HOXC4: variants seen among roughly 807,000 people sequenced by gnomAD.
HOXC4 encodes homeobox C4, also known as homeobox protein Hox-C4.
In HOXC4, 15 loss-of-function variants were observed where a neutral mutation model predicts 25.5. The observed-to-expected ratio is 0.59, with a 90% CI of 0.39 to 0.91. The LOEUF is 0.91. HOXC4 is among the 40% of genes least tolerant of loss of function. HOXC4 has a pLI of 0.00. For missense variants in HOXC4, 342 were observed against 352.4 expected, an observed-to-expected ratio of 0.97 and a Z score of 0.24; for synonymous variants, 165 against 148.0, an observed-to-expected ratio of 1.11 and a Z score of -0.83.
At chr12:54,033,188 A>G (rs748135134) in intron 1 of HOXC4, 4 of 1,614,120 alleles carry the variant, frequency 2.5e-6, no homozygotes, top group Non-Finnish European at 1.7e-6. Flanking sequence ...ATAACATGCA[A>G]ACTTGTGGGA....
At chr12:54,033,121 C>T (rs1449715770) in intron 1 of HOXC4, 2 of 1,597,188 alleles carry the variant, frequency 1.3e-6, no homozygotes, top group Non-Finnish European at 8.6e-7. Flanking sequence ...GCCCTCCCCG[C>T]CATGAGCTCC....
intron 1 of HOXC4, 66 bp downstream of exon 1, chr12:54,054,427 G>A: frequency 1.1e-6 from 1 of 917,280 alleles, no homozygotes. Flanking sequence ...CACCCTCCTC[G>A]GCCCCCTCTG....
chr12:54,044,793 T>C (rs1937662663), intron 1 of HOXC4, among the ~76,000 whole-genome samples: 1 of 151,942 alleles, frequency 6.6e-6, no homozygotes, highest in Non-Finnish European at 1.5e-5. Context: ...ACAATATATT[T>C]TACCTAAATA....
upstream of HOXC4, among the ~76,000 whole-genome samples, chr12:54,050,264 G>T (rs780102332): frequency 2.6e-5 from 4 of 152,162 alleles, no homozygotes; most frequent in Non-Finnish European, 5.9e-5. Context: ...TTTCTTCAGC[G>T]ATGTCAGAAG....
intron 1 of HOXC4, chr12:54,033,826 AAT>A (rs1491079280): frequency 3.6e-6 from 2 of 556,328 alleles, no homozygotes; most frequent in Non-Finnish European, 3.2e-6. Flanking sequence ...GAGTTAAAAA[AAT>A]AGAGGGATCT....
At chr12:54,041,452 C>G (rs1362467298) in intron 1 of HOXC4, among the ~76,000 whole-genome samples, 1 of 152,220 alleles carries the variant, frequency 6.6e-6, no homozygotes, top group Non-Finnish European at 1.5e-5. Context: ...ACCTGGACCT[C>G]TAAGCACCCC....
chr12:54,055,804 G>A lies in HOXC4; in HGVS notation c.*599G>A, dbSNP rs1444755377. The A allele has an allele frequency of 6.6e-6, 1 of 152,514 alleles. No individual in the cohort carries two copies. The highest frequency in any genetic ancestry group is 1.5e-5 in the Non-Finnish European group (1 of 68,036). 9.4% of individuals were successfully genotyped at this position (152,514 alleles called of 1,614,324 possible). ...ACAGCAGACAAAGCTAAATGCATCT[G>A]GAGAGCCTCTCAGAGCTGTTCAGTT... On this transcript the variant is annotated 3_prime_UTR_variant, in exon 2 of 2. Coordinates refer to ENST00000430889, the MANE Select transcript of HOXC4 (RefSeq NM_153633.3).
chr12:54,032,261 G>A (rs2136444519), intron 1 of HOXC4, among the ~76,000 whole-genome samples: 1 of 152,240 alleles, frequency 6.6e-6, no homozygotes, highest in South Asian at 2.1e-4. Flanking sequence ...ATCCCAAACA[G>A]CCTGCAACAC....
intron 1 of HOXC4, among the ~76,000 whole-genome samples, chr12:54,044,033 G>A (rs535271915): frequency 1.3e-5 from 2 of 151,700 alleles, no homozygotes; most frequent in African/African-American, 4.8e-5. Flanking sequence ...CTGGGTGGAG[G>A]ATGGGGGCAC....
At chr12:54,020,777 G>A (rs1300492215) in intron 1 of HOXC4, 1 of 152,160 alleles carries the variant, frequency 6.6e-6, no homozygotes, top group Non-Finnish European at 1.5e-5. Context: ...CACTGGAATC[G>A]GAGTATGCGG....
At chr12:54,023,933 T>C (rs1204107428) in intron 1 of HOXC4, among the ~76,000 whole-genome samples, 2 of 152,226 alleles carry the variant, frequency 1.3e-5, no homozygotes, top group Non-Finnish European at 2.9e-5. Flanking sequence ...CTCTTTGCGA[T>C]CTGATCCTTT....
At chr12:54,033,064 G>A (rs2136446210) in intron 1 of HOXC4, 3 of 1,406,254 alleles carry the variant, frequency 2.1e-6, no homozygotes, top group Non-Finnish European at 2.0e-6. Flanking sequence ...CAACTTCAAA[G>A]AGTCACAAAT....
chr12:54,017,024 G>A (rs1298856557), exon 1 of HOXC4: 1 of 151,900 alleles, frequency 6.6e-6, no homozygotes, highest in Non-Finnish European at 1.5e-5. Flanking sequence ...TTTCCTCCCA[G>A]GTGGAGTTGC....
intron 1 of HOXC4, among the ~76,000 whole-genome samples, chr12:54,018,739 C>A (rs1940283642): frequency 6.6e-6 from 1 of 152,174 alleles, no homozygotes; most frequent in Non-Finnish European, 1.5e-5. Context: ...GCCTACACAC[C>A]CAGGCAGACA....
chr12:54,025,822 G>C (rs896460639), intron 1 of HOXC4, among the ~76,000 whole-genome samples: 2 of 151,930 alleles, frequency 1.3e-5, no homozygotes, highest in African/African-American at 4.8e-5. Flanking sequence ...CCCAACTTTG[G>C]GGCCCCTTTC....
chr12:54,033,588 G>T, intron 1 of HOXC4: 1 of 1,545,634 alleles, frequency 6.5e-7, no homozygotes. Flanking sequence ...TAAACTTTAG[G>T]ACTTCATTTT....
chr12:54,034,361 C>T (rs764070592), intron 1 of HOXC4: 6 of 1,614,230 alleles, frequency 3.7e-6, no homozygotes, highest in Non-Finnish European at 5.1e-6. Flanking sequence ...TAACCGCTAC[C>T]TCACTCGCCG....
intron 1 of HOXC4, among the ~76,000 whole-genome samples, chr12:54,032,265 G>A (rs1941012878): frequency 6.6e-6 from 1 of 152,144 alleles, no homozygotes; most frequent in African/African-American, 2.4e-5. Context: ...CAAACAGCCT[G>A]CAACACCCTC....
chr12:54,054,985 C>T lies in HOXC4; in HGVS notation c.575C>T (p.Ser192Leu). 1.2e-6 allele frequency: 2 copies of T among 1,614,074 alleles called. No individual in the cohort carries two copies. The highest frequency in any genetic ancestry group is 1.1e-5 in the South Asian group (1 of 91,066). Reference sequence around the variant, plus strand: ...AGGAGAAGGATCGAGATCGCCCACTCGCTGTGCCTCTCTGAGAGGCAGATC... The same window carrying T: ...AGGAGAAGGATCGAGATCGCCCACTTGCTGTGCCTCTCTGAGAGGCAGATC... Reference protein sequence around the residue: ...TRRRRIEIAHSLCLSERQIKI... With the variant: ...TRRRRIEIAHLLCLSERQIKI... Residue 192 changes from serine (S) to leucine (L), a missense_variant, in exon 2 of 2, where the codon TCG (serine) becomes TTG (leucine). Ser to Leu is a moderately radical substitution (Grantham distance 145). Transcript: ENST00000430889.
Sources: gnomAD v4.1 joint callset for allele counts (sites outside exome capture counted in the v4.1 genomes callset) on GRCh38, gnomAD v4.1.1 for gene constraint, MANE v1.5 for transcripts, NCBI Gene and HGNC (gene_info 2026-07-23, HGNC 2026-07-21) for gene names.